FAM184B: variants seen among roughly 807,000 people sequenced by gnomAD.
FAM184B encodes the protein protein FAM184B.
FAM184B carries 111 observed loss-of-function variants against 135.9 expected under a neutral mutation model. The observed-to-expected ratio is 0.82, with a 90% CI of 0.70 to 0.96. FAM184B has a LOEUF of 0.96. Among genes scored for constraint, FAM184B ranks in the 40% least tolerant of loss-of-function variants. The probability of loss-of-function intolerance (pLI) is 0.00; values close to 1 mark genes in which losing one functional copy is unlikely to be tolerated. For synonymous variants in FAM184B, 552 were observed against 524.8 expected, an observed-to-expected ratio of 1.05 and a Z score of -0.71; for missense variants, 1,375 against 1,323.9, an observed-to-expected ratio of 1.04 and a Z score of -0.60.
intron 10 of FAM184B, among the ~76,000 whole-genome samples, chr4:17,653,497 T>C (rs1032406618): frequency 1.3e-5 from 2 of 152,056 alleles, no homozygotes. Flanking sequence ...TCCTGAGAAC[T>C]GTCTGTGTCT....
At chr4:17,637,229 A>G (rs566280386) in intron 14 of FAM184B, among the ~76,000 whole-genome samples, 3 of 152,136 alleles carry the variant, frequency 2.0e-5, no homozygotes, top group South Asian at 2.1e-4. Context: ...GGGTTTCACT[A>G]TGTTGGCCAG....
At chr4:17,728,547 G>T (rs1482934471) in intron 1 of FAM184B, among the ~76,000 whole-genome samples, 3 of 152,108 alleles carry the variant, frequency 2.0e-5, no homozygotes, top group African/African-American at 7.2e-5. Flanking sequence ...CGTCTCTCGG[G>T]GCAGTCAGTG....
chr4:17,753,563 G>A (rs1268912157), intron 1 of FAM184B, among the ~76,000 whole-genome samples: 1 of 152,100 alleles, frequency 6.6e-6, no homozygotes, highest in Non-Finnish European at 1.5e-5. Context: ...ACTAGATTAG[G>A]GTGCTGTGAG....
At chr4:17,721,816 T>C (rs1211685258) in intron 1 of FAM184B, among the ~76,000 whole-genome samples, 1 of 152,140 alleles carries the variant, frequency 6.6e-6, no homozygotes, top group Non-Finnish European at 1.5e-5. Context: ...ATTTTTAACA[T>C]TCCCTCGCAA....
chr4:17,661,561 C>A (rs1474225325), intron 8 of FAM184B, among the ~76,000 whole-genome samples: 1 of 152,116 alleles, frequency 6.6e-6, no homozygotes, highest in Non-Finnish European at 1.5e-5. Context: ...CTCAAACAAA[C>A]AAACAAATAA....
At chr4:17,765,898 C>T (rs964476769) in intron 1 of FAM184B, among the ~76,000 whole-genome samples, 3 of 152,152 alleles carry the variant, frequency 2.0e-5, no homozygotes, top group Non-Finnish European at 2.9e-5. Context: ...AAGCTGCAGA[C>T]CTTCGCGGTG....
intron 10 of FAM184B, among the ~76,000 whole-genome samples, chr4:17,653,469 G>T (rs1217583454): frequency 6.6e-6 from 1 of 152,168 alleles, no homozygotes; most frequent in Non-Finnish European, 1.5e-5. Flanking sequence ...CAGCTTTTCA[G>T]TCCATGCTCT....
At chr4:17,759,998 C>G (rs2108992059) in intron 1 of FAM184B, among the ~76,000 whole-genome samples, 1 of 152,270 alleles carries the variant, frequency 6.6e-6, no homozygotes, top group Non-Finnish European at 1.5e-5. Context: ...GTGATTCATG[C>G]TTGGCTGACC....
intron 1 of FAM184B, among the ~76,000 whole-genome samples, chr4:17,759,415 C>T (rs1310327027): frequency 1.3e-5 from 2 of 152,198 alleles, no homozygotes; most frequent in Non-Finnish European, 2.9e-5. Flanking sequence ...GCCATGCTTC[C>T]AGTACAGCCT....
rs1281108530 is a variant in FAM184B at position 17,705,104 on chromosome 4, T to A, written c.1273A>T (p.Lys425Ter). ...HQTEEEKKHL[K>*]DQLVKRLEDL... Reference sequence around the variant, plus strand: ...TCTAGTCGCTTCACTAGCTGGTCTTTGAGATGTTTCTTCTCCTCTTCTGTC... The same window carrying A: ...TCTAGTCGCTTCACTAGCTGGTCTTAGAGATGTTTCTTCTCCTCTTCTGTC... Residue 425 changes from lysine (K) to a stop codon, truncating the protein, a stop_gained, in exon 5 of 18, where the codon AAA (lysine) becomes TAA (stop). Coordinates refer to ENST00000265018, the MANE Select transcript of FAM184B (RefSeq NM_015688.2). LOFTEE classifies it high-confidence loss of function. 2 of 1,550,206 alleles carry A rather than the reference T, an allele frequency of 1.3e-6. No homozygotes were observed. The highest frequency in any genetic ancestry group is 1.7e-6 in the Non-Finnish European group (2 of 1,145,550).
intron 7 of FAM184B, among the ~76,000 whole-genome samples, chr4:17,677,198 C>T (rs1036434004): frequency 6.6e-6 from 1 of 152,114 alleles, no homozygotes; most frequent in African/African-American, 2.4e-5. Flanking sequence ...CAGGTACACA[C>T]CACCACGCCC....
At position 17,642,107 on chromosome 4, in the gene FAM184B, G is replaced by A. The variant is rs201345299; in HGVS notation, c.2468C>T (p.Ala823Val). ...CTCCTGCTGATGCTGCTCCACCTCC[G>A]CGCGCAGCCGCCGCACCGCGTCCTG... ...QLQDAVRRLRAEVEQHQQEAQ... is the reference protein window; with the variant it reads ...QLQDAVRRLRVEVEQHQQEAQ... The change falls in exon 13 of 18, where the codon GCG becomes GTG. Residue 823 changes from alanine to valine, a missense_variant. By Grantham distance (64) the Ala-to-Val change is moderately conservative. Transcript: ENST00000265018. 9,459 of 1,532,714 alleles carry A rather than the reference G, an allele frequency of 6.2e-3. 40 individuals are homozygous for A. The highest frequency in any genetic ancestry group is 7.4e-3 in the Non-Finnish European group (8,434 of 1,145,286). The allele number at this position is 1,532,714 out of a possible 1,614,324, so 94.9% of individuals were successfully genotyped here.
At chr4:17,770,819 T>C (rs192142137) in intron 1 of FAM184B, among the ~76,000 whole-genome samples, 9 of 152,284 alleles carry the variant, frequency 5.9e-5, no homozygotes, top group Admixed American at 5.9e-4. Context: ...TTGTTTTCAT[T>C]TTAGCAGCTT....
chr4:17,672,001 G>T (rs1160626323), intron 7 of FAM184B, among the ~76,000 whole-genome samples: 1 of 151,994 alleles, frequency 6.6e-6, no homozygotes, highest in African/African-American at 2.4e-5. Flanking sequence ...TAAAGATAAT[G>T]ACTAAGAAGT....
intron 14 of FAM184B, among the ~76,000 whole-genome samples, chr4:17,638,561 CTTTGT>C (rs1340037712): frequency 3.3e-5 from 5 of 152,162 alleles, no homozygotes. Context: ...AGAGCATTGT[CTTTGT>C]TTTGTTCCCT....
intron 1 of FAM184B, among the ~76,000 whole-genome samples, chr4:17,744,160 A>T (rs1718105606): frequency 6.6e-6 from 1 of 152,102 alleles, no homozygotes. Flanking sequence ...ATTAAGCCAG[A>T]TCTGCTTGGC....
intron 12 of FAM184B, among the ~76,000 whole-genome samples, chr4:17,643,938 C>T (rs534152017): frequency 1.1e-4 from 16 of 152,304 alleles, no homozygotes; most frequent in African/African-American, 3.4e-4. Flanking sequence ...CCAACAGGAC[C>T]GGGCGGTAGA....
chr4:17,637,333 G>C (rs1715173718), intron 14 of FAM184B, among the ~76,000 whole-genome samples: 1 of 152,218 alleles, frequency 6.6e-6, no homozygotes, highest in Admixed American at 6.5e-5. Flanking sequence ...GGCCCCCACT[G>C]CTTTTTCAGC....
chr4:17,706,989 T>C (rs1287030026), intron 3 of FAM184B, among the ~76,000 whole-genome samples: 2 of 152,126 alleles, frequency 1.3e-5, no homozygotes, highest in African/African-American at 2.4e-5. Flanking sequence ...GTTTATACCA[T>C]GTTTGCCAGG....
Sources: allele counts gnomAD v4.1 joint callset (sites outside exome capture counted in the v4.1 genomes callset), GRCh38; gene constraint gnomAD v4.1.1; transcripts MANE v1.5; gene names NCBI Gene and HGNC (gene_info 2026-07-23, HGNC 2026-07-21).